Variants in HACL2 observed in about 807,000 individuals in gnomAD.
HACL2 encodes 2-hydroxyacyl-CoA lyase 2, also known as 2-hydroxyacyl-CoA lyase 1 like.
At chr19:15,117,867 A>G in the HACL2 span, 1 of 1,613,618 alleles carries the variant, frequency 6.2e-7, no homozygotes, top group Non-Finnish European at 8.5e-7. Flanking sequence ...GTACGGGGGG[A>G]TTAAGGGGCT....
At chr19:15,119,087 C>T in the HACL2 span, 1 of 1,470,672 alleles carries the variant, frequency 6.8e-7, no homozygotes, top group Non-Finnish European at 9.1e-7. Flanking sequence ...CTAGACCTTC[C>T]TCCTCCTTCG....
chr19:15,125,251 C>T, the HACL2 span: 3 of 631,330 alleles, frequency 4.8e-6, no homozygotes, highest in East Asian at 8.9e-5. Flanking sequence ...GAAGCCATGC[C>T]TCTCCGTGAC....
the HACL2 span, among the ~76,000 whole-genome samples, chr19:15,121,682 G>A: frequency 6.6e-6 from 1 of 150,866 alleles, no homozygotes; most frequent in African/African-American, 2.4e-5. Context: ...GGTGGCGGGC[G>A]CCTGTAGTCC....
the HACL2 span, chr19:15,116,085 G>A: frequency 6.2e-7 from 1 of 1,613,588 alleles, no homozygotes; most frequent in South Asian, 1.1e-5. Flanking sequence ...AGAGGACCAA[G>A]AGCAGGTGGG....
chr19:15,120,128 T>C, the HACL2 span: 3 of 1,216,584 alleles, frequency 2.5e-6, no homozygotes, highest in African/African-American at 4.5e-5. Context: ...ATTAACTAAC[T>C]ACAAGGATTC....
the HACL2 span, among the ~76,000 whole-genome samples, chr19:15,118,593 C>T: frequency 6.6e-6 from 1 of 152,148 alleles, no homozygotes; most frequent in Non-Finnish European, 1.5e-5. Flanking sequence ...ACCCCCACCC[C>T]CCATTCCTGC....
the HACL2 span, among the ~76,000 whole-genome samples, chr19:15,118,356 C>G: frequency 2.0e-5 from 3 of 152,166 alleles, no homozygotes; most frequent in Admixed American, 2.0e-4. Flanking sequence ...CACCATGACA[C>G]CCAACAAGGA....
At chr19:15,115,969 G>A in the HACL2 span, 3 of 1,614,116 alleles carry the variant, frequency 1.9e-6, no homozygotes, top group East Asian at 4.5e-5. Flanking sequence ...AGGACCTAGA[G>A]AGCAGCAAGT....
At chr19:15,119,082 C>T in the HACL2 span, 2 of 1,453,882 alleles carry the variant, frequency 1.4e-6, no homozygotes, top group East Asian at 4.6e-5. Flanking sequence ...GCCCACTAGA[C>T]CTTCCTCCTC....
chr19:15,116,761 G>C, the HACL2 span: 1 of 520,472 alleles, frequency 1.9e-6, no homozygotes, highest in Non-Finnish European at 3.4e-6. Flanking sequence ...AGGAGCACAA[G>C]GCAGGTGACA....
chr19:15,119,366 G>A, the HACL2 span: 102 of 1,610,838 alleles, frequency 6.3e-5, no homozygotes, highest in African/African-American at 7.9e-4. Flanking sequence ...AAGAGCACCC[G>A]AGGACTGGGG....
At chr19:15,123,571 G>A in the HACL2 span, 4 of 1,614,034 alleles carry the variant, frequency 2.5e-6, no homozygotes, top group Non-Finnish European at 3.4e-6. This position sits in a 1 kb window ranked among gnomAD's most constrained non-coding sequence, Gnocchi z 5.1. Context: ...CGCTTGCCTT[G>A]TCCACCTGGG....
the HACL2 span, chr19:15,123,413 G>A: frequency 1.7e-5 from 28 of 1,614,040 alleles, no homozygotes; most frequent in East Asian, 2.2e-5. The surrounding 1 kb of genome is among the most constrained non-coding windows in gnomAD (Gnocchi z 5.1). Flanking sequence ...AAAGACGGCC[G>A]TGACCTCATG....
the HACL2 span, chr19:15,115,474 A>G: frequency 6.2e-7 from 1 of 1,604,974 alleles, no homozygotes; most frequent in African/African-American, 1.3e-5. Flanking sequence ...GACTCAGCCC[A>G]CCGCACATGC....
the HACL2 span, among the ~76,000 whole-genome samples, chr19:15,120,420 C>T: frequency 1.3e-5 from 2 of 152,228 alleles, no homozygotes; most frequent in Non-Finnish European, 2.9e-5. Flanking sequence ...GGGCAAGTGA[C>T]TTCACCCTTC....
the HACL2 span, chr19:15,123,354 C>T: frequency 1.9e-6 from 3 of 1,610,266 alleles, no homozygotes; most frequent in Admixed American, 5.0e-5. This position sits in a 1 kb window ranked among gnomAD's most constrained non-coding sequence, Gnocchi z 5.1. Flanking sequence ...CAGTCCCCAG[C>T]CCTCTCTGCA....
At chr19:15,123,624 G>T in the HACL2 span, 1 of 1,575,640 alleles carries the variant, frequency 6.3e-7, no homozygotes, top group Non-Finnish European at 8.7e-7. This position sits in a 1 kb window ranked among gnomAD's most constrained non-coding sequence, Gnocchi z 5.1. Context: ...CCAGGGCAGA[G>T]GGCAGCTGGG....
the HACL2 span, chr19:15,115,638 C>G: frequency 1.2e-6 from 2 of 1,613,992 alleles, no homozygotes; most frequent in South Asian, 2.2e-5. Flanking sequence ...TGTGTCCAGC[C>G]AGCATCATTC....
chr19:15,125,233 C>T, the HACL2 span: 1 of 705,448 alleles, frequency 1.4e-6, no homozygotes, highest in Admixed American at 3.1e-5. Flanking sequence ...TGCGCCTAGG[C>T]TCGGGGTGAA....
Sources: gnomAD v4.1 joint callset for allele counts (sites outside exome capture counted in the v4.1 genomes callset) on GRCh38, gnomAD v4.1.1 for gene constraint, Gnocchi (gnomAD v3.1) non-coding constraint, MANE v1.5 for transcripts, NCBI Gene and HGNC (gene_info 2026-07-23, HGNC 2026-07-21) for gene names.